Variants in PLXNC1 observed in about 807,000 individuals in gnomAD.
PLXNC1 encodes plexin C1.
Under a neutral mutation model 178.2 loss-of-function variants are expected in PLXNC1, and 75 were observed. The ratio of observed to expected loss-of-function variants is 0.42; its 90% CI spans 0.35 to 0.51. The LOEUF is 0.51. PLXNC1 is among the 20% of genes least tolerant of loss of function. PLXNC1 has a pLI of 0.02. For synonymous variants in PLXNC1, 790 were observed against 779.9 expected (o/e 1.01, Z -0.22); for missense variants, 1,503 against 1,984.4 (o/e 0.76, Z 4.61).
chr12:94,273,869 T>G (rs1488597818), intron 21 of PLXNC1, among the ~76,000 whole-genome samples: 2 of 152,154 alleles, frequency 1.3e-5, no homozygotes, highest in Non-Finnish European at 2.9e-5. Context: ...GACTTGCCTC[T>G]TAGAGCAGAA....
chr12:94,244,097 T>C (rs1964464435), intron 12 of PLXNC1, 72 bp downstream of exon 12: 1 of 822,116 alleles, frequency 1.2e-6, no homozygotes, highest in African/African-American at 1.7e-5. Flanking sequence ...CTATGCTATG[T>C]TGGGGGTATT....
chr12:94,239,852 A>T (rs1964335849), intron 10 of PLXNC1, among the ~76,000 whole-genome samples: 1 of 152,210 alleles, frequency 6.6e-6, no homozygotes, highest in African/African-American at 2.4e-5. Flanking sequence ...CCCTTTGAAC[A>T]GCAGAATTTC....
At chr12:94,255,949 C>T (rs1175996277) in intron 17 of PLXNC1, 1 of 152,428 alleles carries the variant, frequency 6.6e-6, no homozygotes, top group Non-Finnish European at 1.5e-5. Context: ...GCTGGTCTTA[C>T]CTATGTTCTC....
chr12:94,151,852 GT>G (rs1295225228), intron 1 of PLXNC1, among the ~76,000 whole-genome samples: 1 of 152,162 alleles, frequency 6.6e-6, no homozygotes, highest in South Asian at 2.1e-4. Context: ...CAAAATCCAC[GT>G]TTTGGCTCAA....
Position 94,282,416 on chromosome 12 carries a change from T to G in PLXNC1, c.3879+15T>G, listed in dbSNP as rs750993401. 8.5e-6 allele frequency: 13 copies of G among 1,522,116 alleles called. No homozygotes were observed. The South Asian group carries it at 1.5e-4, about 17-fold the overall frequency. The allele number at this position is 1,522,116 out of a possible 1,614,324, so 94.3% of individuals were successfully genotyped here. ...GCCACTATGAGGTAAGAGCAAGACT[T>G]GACCCCGTGTCTCCTTCCTCATCCC... On this transcript the variant is annotated intron_variant, in intron 23 of 30. Transcript: ENST00000258526.
intron 20 of PLXNC1, among the ~76,000 whole-genome samples, chr12:94,264,479 G>A (rs537328760): frequency 6.6e-6 from 1 of 152,364 alleles, no homozygotes; most frequent in South Asian, 2.1e-4. Context: ...AGGTGGGACT[G>A]TGCAGTGTGT....
intron 1 of PLXNC1, among the ~76,000 whole-genome samples, chr12:94,157,332 A>T (rs909397847): frequency 6.6e-6 from 1 of 152,108 alleles, no homozygotes; most frequent in South Asian, 2.1e-4. Context: ...TGCCTCCCTT[A>T]AAGTTTTTTG....
intron 1 of PLXNC1, among the ~76,000 whole-genome samples, chr12:94,152,169 T>C (rs191876728): frequency 5.4e-4 from 82 of 152,262 alleles, no homozygotes; most frequent in African/African-American, 1.9e-3. Context: ...GCTGCACAGG[T>C]GGGAGCTTGG....
At chr12:94,166,332 C>G (rs2135936460) in intron 1 of PLXNC1, among the ~76,000 whole-genome samples, 1 of 152,234 alleles carries the variant, frequency 6.6e-6, no homozygotes, top group Admixed American at 6.5e-5. Context: ...ATCATCATTT[C>G]CATCATATGG....
chr12:94,198,185 G>A (rs1962990214), intron 4 of PLXNC1, among the ~76,000 whole-genome samples: 1 of 152,170 alleles, frequency 6.6e-6, no homozygotes, highest in Admixed American at 6.5e-5. Context: ...GCCATGGAAT[G>A]AAAAGGAATG....
At chr12:94,174,186 A>AT (rs1008557316) in intron 2 of PLXNC1, among the ~76,000 whole-genome samples, 23 of 150,600 alleles carry the variant, frequency 1.5e-4, no homozygotes, top group South Asian at 4.2e-4. Flanking sequence ...TCTTTTGTTT[A>AT]TTTTTTTTTC....
intron 4 of PLXNC1, among the ~76,000 whole-genome samples, chr12:94,200,775 A>G (rs1490421147): frequency 6.6e-6 from 1 of 152,220 alleles, no homozygotes; most frequent in Non-Finnish European, 1.5e-5. Context: ...AACTTTTAGT[A>G]CACTCATTGC....
intron 7 of PLXNC1, among the ~76,000 whole-genome samples, chr12:94,225,985 G>T (rs929253986): frequency 2.0e-5 from 3 of 152,136 alleles, no homozygotes; most frequent in African/African-American, 7.2e-5. Flanking sequence ...GCTTCCTCTG[G>T]CCTCCCTTGG....
chr12:94,212,044 G>A (rs1963485546), intron 5 of PLXNC1, among the ~76,000 whole-genome samples: 1 of 152,086 alleles, frequency 6.6e-6, no homozygotes, highest in African/African-American at 2.4e-5. Context: ...GGAGGCCGAG[G>A]CGGGCGGATC....
rs150039490 is a variant in PLXNC1, at chr12:94,168,577, C to T, written c.1063-576C>T. Among the ~76,000 whole-genome samples, 617 of 152,286 alleles carry T rather than the reference C, an allele frequency of 4.1e-3. 3 individuals are homozygous for T. Among genetic ancestry groups the T allele is most frequent in the Middle Eastern group, 0.017 (5 of 294 alleles). On this transcript the variant is annotated intron_variant, in intron 1 of 30. Coordinates refer to ENST00000258526, the MANE Select transcript of PLXNC1 (RefSeq NM_005761.3). Reference sequence around the variant, plus strand: ...TTGGTTCCTCCTTAGCTCTGTGGCTCGATCCTACCCATCGTCCACAACTGT... The same window carrying T: ...TTGGTTCCTCCTTAGCTCTGTGGCTTGATCCTACCCATCGTCCACAACTGT...
intron 21 of PLXNC1, among the ~76,000 whole-genome samples, chr12:94,269,593 C>T (rs891695383): frequency 6.6e-6 from 1 of 152,220 alleles, no homozygotes; most frequent in Non-Finnish European, 1.5e-5. Context: ...CGTAATTAAA[C>T]AACCCACTGT....
rs180750641 is a variant in PLXNC1 at position 94,189,366 on chromosome 12, G to A, written c.1439+2893G>A. Among the ~76,000 whole-genome samples, 125 of 152,236 alleles carry A rather than the reference G, an allele frequency of 8.2e-4. 1 individual carries two copies. The highest frequency in any genetic ancestry group is 2.9e-3 in the African/African-American group (121 of 41,528). On this transcript the variant is annotated intron_variant, in intron 4 of 30. Coordinates refer to ENST00000258526, the MANE Select transcript of PLXNC1 (RefSeq NM_005761.3). The stretch of plus-strand genomic sequence containing the variant: ...GTGAAAAGGTGGCAGGGTCTGTGTT[G>A]GAAGTTCAAGTTGAGTTTAAAGATT...
chr12:94,158,171 A>G (rs1248378461), intron 1 of PLXNC1: 1 of 152,244 alleles, frequency 6.6e-6, no homozygotes, highest in East Asian at 1.9e-4. Flanking sequence ...AAAAAGAGGC[A>G]CTACTCTCAG....
At chr12:94,300,478 G>A (rs540765605) in intron 27 of PLXNC1, among the ~76,000 whole-genome samples, 54 of 152,302 alleles carry the variant, frequency 3.5e-4, no homozygotes, top group African/African-American at 1.3e-3. Flanking sequence ...GGAGCAGTGG[G>A]ATAGGAGGGC....
Sources: allele counts gnomAD v4.1 joint callset (sites outside exome capture counted in the v4.1 genomes callset), GRCh38; gene constraint gnomAD v4.1.1; transcripts MANE v1.5; gene names NCBI Gene and HGNC (gene_info 2026-07-23, HGNC 2026-07-21).